POLA2: variants seen among roughly 807,000 people sequenced by gnomAD.
POLA2 encodes the protein DNA polymerase alpha subunit B.
POLA2 carries 47 observed loss-of-function variants against 82.8 expected under a neutral mutation model. The ratio of observed to expected loss-of-function variants is 0.57; its 90% CI spans 0.45 to 0.72. The LOEUF (loss-of-function observed/expected upper bound fraction) is 0.72, where lower values mean the gene tolerates loss of function less well. POLA2 is among the 30% of genes least tolerant of loss of function. POLA2 has a pLI of 0.00. For synonymous variants in POLA2, 287 were observed against 286.8 expected, an observed-to-expected ratio of 1.00 and a Z score of -0.01; for missense variants, 634 against 728.1, an observed-to-expected ratio of 0.87 and a Z score of 1.49.
downstream of POLA2, among the ~76,000 whole-genome samples, chr11:65,301,229 G>T (rs1949857722): frequency 6.6e-6 from 1 of 152,158 alleles, no homozygotes; most frequent in African/African-American, 2.4e-5. Flanking sequence ...GCAGTGATGG[G>T]CCCGGAATGG....
At chr11:65,279,185 T>TA (rs1178797285) in intron 6 of POLA2, among the ~76,000 whole-genome samples, 5 of 152,296 alleles carry the variant, frequency 3.3e-5, no homozygotes, top group African/African-American at 1.2e-4. Flanking sequence ...GAATTCAACT[T>TA]AAAGATATTC....
intron 6 of POLA2, 131 bp from the exon 7 acceptor site, chr11:65,279,407 C>A: frequency 1.5e-6 from 1 of 648,354 alleles, no homozygotes; most frequent in Non-Finnish European, 2.7e-6. Flanking sequence ...TTTAAACTGG[C>A]CAGATGTCCA....
At chr11:65,267,607 T>C (rs1301313273) in intron 3 of POLA2, 39 bp downstream of exon 3, 1 of 1,275,458 alleles carries the variant, frequency 7.8e-7, no homozygotes, top group Admixed American at 2.1e-5. Context: ...CCAAGCTACA[T>C]GTTGTATTTT....
At chr11:65,279,906 C>T (rs1338355614) in intron 7 of POLA2, 4 of 340,104 alleles carry the variant, frequency 1.2e-5, no homozygotes, top group Non-Finnish European at 2.1e-5. Context: ...GGTAGCTCCC[C>T]GGGGATTTCC....
intron 4 of POLA2, among the ~76,000 whole-genome samples, chr11:65,271,357 T>G (rs1384036764): frequency 6.6e-6 from 1 of 152,240 alleles, no homozygotes; most frequent in East Asian, 1.9e-4. Context: ...TCCAGAATTT[T>G]ATGTAATTTG....
chr11:65,265,471 A>G (rs775886421), intron 1 of POLA2, among the ~76,000 whole-genome samples: 20 of 151,658 alleles, frequency 1.3e-4, no homozygotes, highest in Admixed American at 9.9e-4. Context: ...CTTCTTAGAC[A>G]CTACTAGTTT....
Position 65,265,680 on chromosome 11 carries a change from G to A in POLA2, c.80-902G>A, listed in dbSNP as rs76530515. On this transcript the variant is annotated intron_variant, in intron 1 of 17. Coordinates refer to ENST00000265465, the MANE Select transcript of POLA2 (RefSeq NM_002689.4). Reference sequence around the variant, plus strand: ...TTTTTTATAGAAACGGTTTCACCCTGTTGCCCAAGCTGGTCTCAAACTTCT... The same window carrying A: ...TTTTTTATAGAAACGGTTTCACCCTATTGCCCAAGCTGGTCTCAAACTTCT... Among the ~76,000 whole-genome samples the A allele has an allele frequency of 7.8e-3, 1,187 of 152,244 alleles. 7 individuals carry two copies. The highest frequency in any genetic ancestry group is 0.014 in the Non-Finnish European group (961 of 68,022).
At chr11:65,284,130 GATA>G in intron 10 of POLA2, among the ~76,000 whole-genome samples, 1 of 107,866 alleles carries the variant, frequency 9.3e-6, no homozygotes, top group African/African-American at 4.0e-5. Context: ...TAAGACACTA[GATA>G]GATAGATAGA....
chr11:65,295,751 A>G (rs1949803313), intron 16 of POLA2, 113 bp from the exon 17 acceptor site: 1 of 1,398,800 alleles, frequency 7.1e-7, no homozygotes, highest in African/African-American at 1.4e-5. Flanking sequence ...ACACACAGAG[A>G]AAAAGTCGGT....
intron 4 of POLA2, among the ~76,000 whole-genome samples, chr11:65,272,079 G>A (rs1328066199): frequency 6.6e-6 from 1 of 152,052 alleles, no homozygotes; most frequent in Non-Finnish European, 1.5e-5. Flanking sequence ...GGAGGCCGAG[G>A]TGGGAGGATC....
downstream of POLA2, among the ~76,000 whole-genome samples, chr11:65,299,815 C>T (rs1437882661): frequency 6.6e-6 from 1 of 152,140 alleles, no homozygotes; most frequent in Non-Finnish European, 1.5e-5. Flanking sequence ...CCTCAACCTC[C>T]CGAGTAGCTG....
At chr11:65,287,540 T>C in intron 10 of POLA2, 176 bp from the exon 11 acceptor site, 1 of 469,000 alleles carries the variant, frequency 2.1e-6, no homozygotes. Context: ...CTCTATCACC[T>C]AGTGGAGTGT....
At chr11:65,295,026 C>T (rs1011428513) in intron 15 of POLA2, among the ~76,000 whole-genome samples, 1 of 152,156 alleles carries the variant, frequency 6.6e-6, no homozygotes, top group Non-Finnish European at 1.5e-5. Context: ...TGGGAATTTT[C>T]TCTGAAGGAT....
In POLA2 at chr11:65,262,039, G is replaced by A; in HGVS notation, c.-254G>A. On this transcript the variant is annotated 5_prime_UTR_variant, in exon 1 of 18. Coordinates refer to ENST00000265465, the MANE Select transcript of POLA2 (RefSeq NM_002689.4). ...GTTCTCACCAGGAGAGCGTCCTCTCGAGATTTCTGCTCCCTCCATTCAGGG... is the reference window on the plus strand; with the variant it reads ...GTTCTCACCAGGAGAGCGTCCTCTCAAGATTTCTGCTCCCTCCATTCAGGG... 3 of 542,268 alleles carry A rather than the reference G, an allele frequency of 5.5e-6. No homozygotes were observed. The allele number at this position is 542,268 out of a possible 1,614,324, so 33.6% of individuals were successfully genotyped here.
intron 3 of POLA2, 151 bp from the exon 4 acceptor site, chr11:65,268,521 T>C (rs1411956508): frequency 2.0e-6 from 1 of 512,432 alleles, no homozygotes; most frequent in East Asian, 3.8e-5. Context: ...TTGTATTTTT[T>C]TTAGTAGAGA....
intron 8 of POLA2, among the ~76,000 whole-genome samples, chr11:65,304,190 ACCATCCATTCTT>A (rs1433408173): frequency 1.3e-5 from 2 of 151,006 alleles, no homozygotes; most frequent in East Asian, 1.9e-4. Context: ...CATTTACCTA[ACCATCCATTCTT>A]CCATCCATCC....
In POLA2 at chr11:65,295,858, C is replaced by A; in HGVS notation, c.1521-6C>A. 2.5e-6 allele frequency: 4 copies of A among 1,608,598 alleles called. No homozygotes were observed. The highest frequency in any genetic ancestry group is 3.4e-6 in the Non-Finnish European group (4 of 1,175,320). On this transcript the variant is annotated splice_region_variant and splice_polypyrimidine_tract_variant and intron_variant, in intron 16 of 17. Transcript: ENST00000265465. The stretch of plus-strand genomic sequence containing the variant: ...TAGTGCTGACAATTTCTCTCTGTCT[C>A]TGTAGCTACTACCCACTCTACCCGC...
In POLA2 at chr11:65,294,072, G is replaced by A. The variant is rs540620966; in HGVS notation, c.1245-81G>A. On this transcript the variant is annotated intron_variant, in intron 13 of 17. Coordinates refer to ENST00000265465, the MANE Select transcript of POLA2 (RefSeq NM_002689.4). ...GGGTGGGCTCTGCCTCCAGCCTGAG[G>A]CATCCCACCTGTTGCGCAGCTGTTC... 1.0e-5 allele frequency: 12 copies of A among 1,195,716 alleles called. No homozygotes were observed. The African/African-American group carries it at 1.4e-4, about 14-fold the overall frequency. 74.1% of individuals were successfully genotyped at this position (1,195,716 alleles called of 1,614,324 possible). A position where few individuals can be genotyped will look rare whatever the true frequency, so the allele number is the denominator to read the frequency against.
intron 13 of POLA2, among the ~76,000 whole-genome samples, chr11:65,290,799 G>A (rs931521653): frequency 1.3e-5 from 2 of 152,168 alleles, no homozygotes; most frequent in African/African-American, 2.4e-5. Context: ...GATGACTTAC[G>A]CAGTGAAATC....
Sources: allele counts gnomAD v4.1 joint callset (sites outside exome capture counted in the v4.1 genomes callset), GRCh38; gene constraint gnomAD v4.1.1; transcripts MANE v1.5; gene names NCBI Gene and HGNC (gene_info 2026-07-23, HGNC 2026-07-21).